The following HIVEP1 variants were observed in gnomAD, a reference collection of about 807,000 sequenced individuals.
HIVEP1 encodes HIVEP zinc finger 1.
Under a neutral mutation model 180.0 loss-of-function variants are expected in HIVEP1, and 36 were observed. That is an observed-to-expected ratio of 0.20 (90% CI 0.15 to 0.26). HIVEP1 has a LOEUF of 0.26. HIVEP1 is among the 10% of genes least tolerant of loss of function. The pLI is 1.00. For synonymous variants in HIVEP1, 1,239 were observed against 1,239.0 expected, an observed-to-expected ratio of 1.00 and a Z score of 0.00; for missense variants, 3,143 against 3,268.7, an observed-to-expected ratio of 0.96 and a Z score of 0.94.
chr6:12,153,410 A>T (rs1483645080), intron 7 of HIVEP1, among the ~76,000 whole-genome samples: 1 of 152,168 alleles, frequency 6.6e-6, no homozygotes, highest in African/African-American at 2.4e-5. Context: ...CTTTTAAATC[A>T]TTCTCTGAGA....
At position 12,021,758 on chromosome 6, in the gene HIVEP1, A is replaced by C. The variant is rs549505347; in HGVS notation, c.40+6090A>C. On this transcript the variant is annotated intron_variant, in intron 2 of 8. Transcript: ENST00000379388. ...TTGGCTCACTGCAACCTCCGCCTCTAGGGTTCAAGCAATTCTCCTGCCTCA... is the reference window on the plus strand; with the variant it reads ...TTGGCTCACTGCAACCTCCGCCTCTCGGGTTCAAGCAATTCTCCTGCCTCA... Among the ~76,000 whole-genome samples, 4 of 151,822 alleles carry C rather than the reference A, an allele frequency of 2.6e-5. No individual in the cohort carries two copies. In the East Asian group the frequency reaches 5.9e-4, roughly 22 times the overall value.
intron 7 of HIVEP1, among the ~76,000 whole-genome samples, chr6:12,149,278 A>C (rs927086294): frequency 3.3e-5 from 5 of 152,156 alleles, no homozygotes; most frequent in Admixed American, 2.6e-4. Context: ...AAAAAGGACA[A>C]AATTTGGGAG....
Position 12,123,888 on chromosome 6 carries a change from C to A in HIVEP1, c.4093C>A (p.Arg1365Ser), listed in dbSNP as rs759230959. ...TCCTGGATGTCACCGGGAAATGAGGCGTACTGCATCAGAACAGATTAATTG... is the reference window on the plus strand; with the variant it reads ...TCCTGGATGTCACCGGGAAATGAGGAGTACTGCATCAGAACAGATTAATTG... The part of the protein sequence containing the change: ...NVPGCHREMR[R>S]TASEQINCTQ... Residue 1365 changes from arginine (R) to serine (S), a missense_variant, in exon 4 of 9, where the codon CGT (arginine) becomes AGT (serine). Arg to Ser is a moderately radical substitution (Grantham distance 110). Around this residue, in one of 12 missense-constraint regions of HIVEP1, gnomAD observed 1,357 missense variants for 1,260.5 expected, o/e 1.08. Transcript: ENST00000379388. The A allele has an allele frequency of 6.2e-7, 1 of 1,614,094 alleles. No homozygotes were observed. The highest frequency in any genetic ancestry group is 1.1e-5 in the South Asian group (1 of 91,082).
chr6:12,098,909 G>T (rs957947815), intron 3 of HIVEP1, among the ~76,000 whole-genome samples: 7 of 152,186 alleles, frequency 4.6e-5, no homozygotes. Flanking sequence ...AACTTTGAAG[G>T]ATGTAGCTTA....
intron 7 of HIVEP1, among the ~76,000 whole-genome samples, chr6:12,137,911 TTAA>T (rs1394104469): frequency 1.3e-5 from 2 of 152,244 alleles, no homozygotes; most frequent in African/African-American, 2.4e-5. Context: ...TACTCATGTA[TTAA>T]CAGCAGAGTT....
chr6:12,050,387 C>T (rs1770421263), intron 2 of HIVEP1, among the ~76,000 whole-genome samples: 1 of 152,144 alleles, frequency 6.6e-6, no homozygotes, highest in South Asian at 2.1e-4. Context: ...AGATCGAGAC[C>T]ATCCTGGCTA....
chr6:12,059,570 C>G (rs904352227), intron 2 of HIVEP1, among the ~76,000 whole-genome samples: 4 of 152,178 alleles, frequency 2.6e-5, no homozygotes, highest in Non-Finnish European at 5.9e-5. Flanking sequence ...TCTGCCACAT[C>G]CCTCCGGTGG....
chr6:12,109,208 T>A (rs1474328400), intron 3 of HIVEP1, among the ~76,000 whole-genome samples: 1 of 152,102 alleles, frequency 6.6e-6, no homozygotes, highest in Non-Finnish European at 1.5e-5. Flanking sequence ...TTAGCCAGGA[T>A]GGTCTCAATC....
chr6:12,070,000 C>T (rs1771862149), intron 2 of HIVEP1, among the ~76,000 whole-genome samples: 1 of 152,156 alleles, frequency 6.6e-6, no homozygotes, highest in African/African-American at 2.4e-5. Flanking sequence ...TGCACAGACT[C>T]AGGCTCATCA....
chr6:12,129,768 G>A lies in HIVEP1; in HGVS notation c.6085G>A (p.Gly2029Ser). The change falls in exon 5 of 9, where the codon GGT becomes AGT. Residue 2029 changes from glycine to serine, a missense_variant. Around this residue, in one of 12 missense-constraint regions of HIVEP1, gnomAD observed 1,357 missense variants for 1,260.5 expected, o/e 1.08. Coordinates refer to ENST00000379388, the MANE Select transcript of HIVEP1 (RefSeq NM_002114.4). The stretch of plus-strand genomic sequence containing the variant: ...TCTTTTTTCCTTTCAGAGAGCATTA[G>A]GTAATCAAAAGTCCACAGTAGTTGA... ...WKSSLSKRAL[G>S]NQKSTVVEFS... is the part of the protein sequence containing the mutation. The A allele has an allele frequency of 6.2e-7, 1 of 1,602,938 alleles. No homozygotes were observed. Among genetic ancestry groups the A allele is most frequent in the Non-Finnish European group, 8.5e-7 (1 of 1,170,158 alleles).
rs547683334 is a variant in HIVEP1 at position 12,106,460 on chromosome 6, C to T, written c.95-13430C>T. ...TTCTGTATGTTTAGAATTTTCTGTG[C>T]GAAATTATTTCATGGCATTTTAATA... On this transcript the variant is annotated intron_variant, in intron 3 of 8. Transcript: ENST00000379388. 3.0e-4 allele frequency among the ~76,000 whole-genome samples: 45 copies of T among 151,962 alleles called. 1 individual carries two copies. The highest frequency in any genetic ancestry group is 2.1e-3 in the South Asian group (10 of 4,798).
At chr6:12,079,539 A>G (rs1253418506) in intron 2 of HIVEP1, among the ~76,000 whole-genome samples, 2 of 152,150 alleles carry the variant, frequency 1.3e-5, no homozygotes, top group Admixed American at 6.6e-5. Context: ...TACTTGATAA[A>G]ATATTGCTTC....
intron 2 of HIVEP1, among the ~76,000 whole-genome samples, chr6:12,030,251 G>A (rs1408170675): frequency 2.6e-5 from 4 of 152,164 alleles, no homozygotes; most frequent in African/African-American, 7.2e-5. Context: ...TGAATGTGAT[G>A]TGCTTAGTTG....
At chr6:12,052,293 G>A (rs1189854989) in intron 2 of HIVEP1, among the ~76,000 whole-genome samples, 1 of 152,144 alleles carries the variant, frequency 6.6e-6, no homozygotes, top group Non-Finnish European at 1.5e-5. Flanking sequence ...CCCAAAGTAA[G>A]CCACTTAGAG....
chr6:12,059,479 A>G (rs572914485), intron 2 of HIVEP1, among the ~76,000 whole-genome samples: 63 of 152,320 alleles, frequency 4.1e-4, no homozygotes, highest in African/African-American at 1.4e-3. Context: ...GTTATCTAGA[A>G]CACTATACTC....
intron 7 of HIVEP1, among the ~76,000 whole-genome samples, chr6:12,160,805 G>T (rs573638947): frequency 1.3e-5 from 2 of 152,208 alleles, no homozygotes; most frequent in Non-Finnish European, 2.9e-5. Flanking sequence ...ACAGCTACCT[G>T]TGGCAATGGG....
rs1759192659 is a variant in HIVEP1, at chr6:12,143,711, C to G, written c.6487+7819C>G. On this transcript the variant is annotated intron_variant, in intron 7 of 8. Coordinates refer to ENST00000379388, the MANE Select transcript of HIVEP1 (RefSeq NM_002114.4). ...AGTCTCAGGATGCAAAATCAATGTG[C>G]AAAAATCACAAGCATTCCTATACAC... Among the ~76,000 whole-genome samples the G allele has an allele frequency of 2.0e-5, 3 of 152,144 alleles. No homozygotes were observed. The South Asian group carries it at 6.2e-4, about 31-fold the overall frequency.
At chr6:12,151,349 C>T (rs1368575874) in intron 7 of HIVEP1, among the ~76,000 whole-genome samples, 3 of 151,980 alleles carry the variant, frequency 2.0e-5, no homozygotes, top group Non-Finnish European at 4.4e-5. Flanking sequence ...AATATAGATT[C>T]CTTAGGTCTG....
At chr6:12,103,775 A>G (rs1157443653) in intron 3 of HIVEP1, among the ~76,000 whole-genome samples, 1 of 152,094 alleles carries the variant, frequency 6.6e-6, no homozygotes, top group Non-Finnish European at 1.5e-5. Context: ...TATTTATAAT[A>G]TAAGTTAAAT....
Sources: gnomAD v4.1 joint callset for allele counts (sites outside exome capture counted in the v4.1 genomes callset) on GRCh38, gnomAD v4.1.1 for gene constraint, gnomAD v4.1.1 regional missense constraint, MANE v1.5 for transcripts, NCBI Gene and HGNC (gene_info 2026-07-23, HGNC 2026-07-21) for gene names.